Variants in CPNE9 observed in about 807,000 individuals in gnomAD.
CPNE9 encodes copine-9.
Under a neutral mutation model 83.0 loss-of-function variants are expected in CPNE9, and 59 were observed. That is an observed-to-expected ratio of 0.71 (90% confidence interval 0.58 to 0.88). CPNE9 has a LOEUF of 0.88. Ranked by LOEUF, CPNE9 falls within the 40% of genes least tolerant of loss-of-function variation. The pLI is 0.00. For missense variants in CPNE9, 619 were observed against 720.8 expected (o/e 0.86, Z 1.62); for synonymous variants, 256 against 273.4 (o/e 0.94, Z 0.63).
At chr3:9,708,488 A>C (rs2076585565) in intron 7 of CPNE9, among the ~76,000 whole-genome samples, 1 of 152,266 alleles carries the variant, frequency 6.6e-6, no homozygotes, top group African/African-American at 2.4e-5. Context: ...GAGAGTTACC[A>C]ACCACATCAA....
chr3:9,704,770 G>A lies in CPNE9; in HGVS notation c.131G>A (p.Ser44Asn), dbSNP rs1307398480. 6.2e-6 allele frequency: 10 copies of A among 1,611,840 alleles called. No individual in the cohort carries two copies. In the South Asian group the frequency reaches 9.9e-5, roughly 16 times the overall value. Residue 44 changes from serine (S) to asparagine (N), a missense_variant, in exon 3 of 21, where the codon AGC becomes AAC. Physicochemically the swap from Ser to Asn is conservative, Grantham distance 46. This residue lies in a region of CPNE9 where 130 missense variants were observed against 117.5 expected (regional missense o/e 1.11). Transcript: ENST00000383832. The surrounding 1 kb of genome is among the most constrained non-coding windows in gnomAD (Gnocchi z 7.1). ...GCAGTGGTGGTGCTTTACACGCAGAGCCGGGCCAGCCAGGAGTGGCGGGAG... is the reference window on the plus strand; with the variant it reads ...GCAGTGGTGGTGCTTTACACGCAGAACCGGGCCAGCCAGGAGTGGCGGGAG... ...SDPMVVLYTQ[S>N]RASQEWREFG...
In CPNE9 at chr3:9,704,765, G is replaced by A. The variant is rs757689742; in HGVS notation, c.126G>A (p.Thr42=). The A allele has an allele frequency of 6.2e-7, 1 of 1,611,698 alleles. No individual in the cohort carries two copies. The highest frequency in any genetic ancestry group is 8.5e-7 in the Non-Finnish European group (1 of 1,179,456). ...CACCTGCAGTGGTGGTGCTTTACACGCAGAGCCGGGCCAGCCAGGAGTGGC... is the reference window on the plus strand; with the variant it reads ...CACCTGCAGTGGTGGTGCTTTACACACAGAGCCGGGCCAGCCAGGAGTGGC... The part of the protein sequence containing the change: ...SKSDPMVVLY[T]QSRASQEWRE... The change falls in exon 3 of 21, where the codon ACG becomes ACA. Residue 42 remains threonine (T), a synonymous_variant. Transcript: ENST00000383832. This position sits in a 1 kb window ranked among gnomAD's most constrained non-coding sequence, Gnocchi z 7.1.
chr3:9,708,339 C>CGA (rs1364224655), intron 7 of CPNE9, among the ~76,000 whole-genome samples: 3 of 151,564 alleles, frequency 2.0e-5, no homozygotes, highest in Non-Finnish European at 4.4e-5. Flanking sequence ...AAGAGGGAGA[C>CGA]GAGAGAGAGA....
chr3:9,712,774 T>G lies in CPNE9; in HGVS notation c.491T>G (p.Phe164Cys). Residue 164 changes from phenylalanine (F) to cysteine (C), a missense_variant, in exon 9 of 21, where the codon TTC (phenylalanine) becomes TGC (cysteine). By Grantham distance (205) the Phe-to-Cys change is radical. This residue lies in a region of CPNE9 where 438 missense variants were observed against 562.9 expected (regional missense o/e 0.78). Transcript: ENST00000383832. ...GCAAACAAGCTGGACAAGAAGGACT[T>G]CTTTGGGAAATCAGACCCCTTCCTT... is the stretch of plus-strand genomic sequence containing the variant. ...LCANKLDKKD[F>C]FGKSDPFLVF... 1 of 1,614,112 alleles carries G rather than the reference T, an allele frequency of 6.2e-7. No homozygotes were observed. Among genetic ancestry groups the G allele is most frequent in the Non-Finnish European group, 8.5e-7 (1 of 1,180,022 alleles).
At chr3:9,711,945 A>T (rs541510610) in intron 7 of CPNE9, among the ~76,000 whole-genome samples, 4 of 152,220 alleles carry the variant, frequency 2.6e-5, no homozygotes, top group African/African-American at 9.6e-5. Flanking sequence ...CTCATTCAGT[A>T]TCACTACAAT....
chr3:9,704,459 G>T lies in CPNE9; in HGVS notation c.69-128G>T. ...AGTGCTGACAGAGCGGACCCCGGCT[G>T]GGGGTAGCCATGGGGGACAGAGGTT... is the stretch of plus-strand genomic sequence containing the variant. On this transcript the variant is annotated intron_variant, in intron 1 of 20. Coordinates refer to ENST00000383832, the MANE Select transcript of CPNE9 (RefSeq NM_153635.3). This position sits in a 1 kb window ranked among gnomAD's most constrained non-coding sequence, Gnocchi z 7.1. 1.2e-6 allele frequency: 1 copy of T among 834,376 alleles called. No homozygotes were observed. The highest frequency in any genetic ancestry group is 1.3e-5 in the South Asian group (1 of 74,348). 51.7% of individuals were successfully genotyped at this position (834,376 alleles called of 1,614,324 possible). A position where few individuals can be genotyped will look rare whatever the true frequency, so the allele number is the denominator to read the frequency against.
At chr3:9,719,565 C>T (rs1468316451) in intron 17 of CPNE9, among the ~76,000 whole-genome samples, 1 of 152,186 alleles carries the variant, frequency 6.6e-6, no homozygotes, top group African/African-American at 2.4e-5. Context: ...TAGCAGCTTC[C>T]TTATAGAGTT....
Position 9,727,108 on chromosome 3 carries a change from T to G in CPNE9, c.1403-5T>G. ...AATCAGCTGAGGGGTGTGTCTTTTC[T>G]GCAGCAATGGAAGAGTTGGACGGTG... On this transcript the variant is annotated splice_region_variant and splice_polypyrimidine_tract_variant and intron_variant, in intron 19 of 20. Coordinates refer to ENST00000383832, the MANE Select transcript of CPNE9 (RefSeq NM_153635.3). 6.2e-7 allele frequency: 1 copy of G among 1,614,100 alleles called. No individual in the cohort carries two copies. The highest frequency in any genetic ancestry group is 8.5e-7 in the Non-Finnish European group (1 of 1,180,000).
intron 5 of CPNE9, 91 bp from the exon 6 acceptor site, chr3:9,705,627 C>T: frequency 6.3e-7 from 1 of 1,576,600 alleles, no homozygotes; most frequent in Non-Finnish European, 8.7e-7. Context: ...AACCCACCCT[C>T]CTGGTCCCTC....
intron 17 of CPNE9, among the ~76,000 whole-genome samples, chr3:9,725,569 G>GAT (rs112756664): frequency 0.13 from 18,889 of 145,726 alleles, 1,257 homozygotes; most frequent in Middle Eastern, 0.17. Context: ...TGTGTGTATG[G>GAT]ATATATATAT....
At chr3:9,722,114 G>A (rs1433685149) in intron 17 of CPNE9, among the ~76,000 whole-genome samples, 3 of 151,060 alleles carry the variant, frequency 2.0e-5, no homozygotes, top group East Asian at 1.9e-4. Flanking sequence ...ACGGAATTTC[G>A]CCATGTTGGC....
rs577638810 is a variant in CPNE9, at chr3:9,704,264, A to C, written c.68+200A>C. On this transcript the variant is annotated intron_variant, in intron 1 of 20. Transcript: ENST00000383832. The surrounding 1 kb of genome is among the most constrained non-coding windows in gnomAD (Gnocchi z 7.1). ...CAGCCCCACCCCGAAAAAAGGGCTC[A>C]GCCTGCGGGTTCAGGGGGTGGGTCG... Among the ~76,000 whole-genome samples the C allele has an allele frequency of 3.9e-5, 6 of 152,308 alleles. No individual in the cohort carries two copies. In the East Asian group the frequency reaches 1.2e-3, roughly 29 times the overall value.
At chr3:9,718,411 G>T in intron 16 of CPNE9, 64 bp from the exon 17 acceptor site, 2 of 1,561,218 alleles carry the variant, frequency 1.3e-6, no homozygotes, top group Non-Finnish European at 1.7e-6. Flanking sequence ...GAGTGAGCTG[G>T]AATCAGAGCA....
rs2076544997 is a variant in CPNE9 at position 9,704,871 on chromosome 3, C to T, written c.157-20C>T. 5.0e-6 allele frequency: 8 copies of T among 1,607,196 alleles called. No individual in the cohort carries two copies. Among genetic ancestry groups the T allele is most frequent in the Non-Finnish European group, 6.8e-6 (8 of 1,175,194 alleles). ...TGCCCGTCTGCACGTCCCACGCTGA[C>T]CCTCCACCCCCCTACCCAGTTCGGA... On this transcript the variant is annotated intron_variant, in intron 3 of 20. Transcript: ENST00000383832. This position sits in a 1 kb window ranked among gnomAD's most constrained non-coding sequence, Gnocchi z 7.1.
chr3:9,725,699 T>C (rs866975239), intron 17 of CPNE9, among the ~76,000 whole-genome samples: 254 of 137,230 alleles, frequency 1.9e-3, no homozygotes, highest in Non-Finnish European at 3.2e-3. Context: ...CATATATGTG[T>C]ATATATGTGT....
intron 4 of CPNE9, 35 bp from the exon 5 acceptor site, chr3:9,705,429 A>ACCCCCCC: frequency 1.4e-5 from 4 of 286,638 alleles, no homozygotes; most frequent in South Asian, 7.6e-5. Flanking sequence ...TCCCCCACCC[A>ACCCCCCC]GCCCCACCCC....
chr3:9,723,329 G>A (rs962008843), intron 17 of CPNE9, among the ~76,000 whole-genome samples: 5 of 152,024 alleles, frequency 3.3e-5, no homozygotes, highest in African/African-American at 7.2e-5. Context: ...AAAATTAGCC[G>A]GGCATGGTGG....
chr3:9,722,876 A>G (rs62245629), intron 17 of CPNE9, among the ~76,000 whole-genome samples: 2,076 of 152,106 alleles, frequency 0.014, 22 homozygotes, highest in Non-Finnish European at 0.021. Flanking sequence ...CTTTCTCTGG[A>G]ACACTTTTCC....
chr3:9,709,483 C>T (rs2076602333), intron 7 of CPNE9, among the ~76,000 whole-genome samples: 3 of 150,318 alleles, frequency 2.0e-5, no homozygotes, highest in Non-Finnish European at 4.4e-5. Flanking sequence ...ATTCTCCTGC[C>T]TCAGCCTCCC....
Sources: allele counts gnomAD v4.1 joint callset (sites outside exome capture counted in the v4.1 genomes callset), GRCh38; gene constraint gnomAD v4.1.1; regional missense constraint gnomAD v4.1.1; non-coding constraint Gnocchi (gnomAD v3.1); transcripts MANE v1.5; gene names NCBI Gene and HGNC (gene_info 2026-07-23, HGNC 2026-07-21).